Variants in DENND1A observed in about 807,000 individuals in gnomAD.
DENND1A encodes DENN domain containing 1A, also known as DENN domain-containing protein 1A.
DENND1A carries 51 observed loss-of-function variants against 113.7 expected under a neutral mutation model. The ratio of observed to expected loss-of-function variants is 0.45; its 90% CI spans 0.36 to 0.57. The LOEUF (loss-of-function observed/expected upper bound fraction) is 0.57. Ranked by LOEUF, DENND1A falls within the 20% of genes least tolerant of loss-of-function variation. DENND1A has a pLI of 0.00. For missense variants in DENND1A, 1,258 were observed against 1,395.9 expected (o/e 0.90, Z 1.57); for synonymous variants, 565 against 570.8 (o/e 0.99, Z 0.14).
At chr9:123,897,884 G>A (rs1851015667) in intron 1 of DENND1A, among the ~76,000 whole-genome samples, 1 of 150,638 alleles carries the variant, frequency 6.6e-6, no homozygotes, top group Non-Finnish European at 1.5e-5. Flanking sequence ...GTTCAAGGCT[G>A]CAGTGAGCCA....
chr9:123,502,985 T>C (rs911626811), intron 13 of DENND1A, among the ~76,000 whole-genome samples: 10 of 152,220 alleles, frequency 6.6e-5, no homozygotes, highest in African/African-American at 2.4e-4. Context: ...GCCGTGACCA[T>C]GGCTGCTATG....
At chr9:123,687,662 C>A (rs1183494417) in intron 5 of DENND1A, among the ~76,000 whole-genome samples, 1 of 152,158 alleles carries the variant, frequency 6.6e-6, no homozygotes, top group African/African-American at 2.4e-5. Context: ...CCTTTAGTGA[C>A]GAAGCAACTC....
At chr9:123,566,008 A>T (rs1321951932) in intron 12 of DENND1A, among the ~76,000 whole-genome samples, 1 of 152,178 alleles carries the variant, frequency 6.6e-6, no homozygotes, top group African/African-American at 2.4e-5. Context: ...CAAATGGCCT[A>T]GGTAGGCACA....
At chr9:123,388,578 G>A (rs1349953972) in intron 21 of DENND1A, among the ~76,000 whole-genome samples, 1 of 152,152 alleles carries the variant, frequency 6.6e-6, no homozygotes, top group East Asian at 1.9e-4. Context: ...TCCCTCAGAT[G>A]CCTCTTCAGA....
intron 12 of DENND1A, among the ~76,000 whole-genome samples, chr9:123,568,481 T>C (rs2058174093): frequency 6.6e-6 from 1 of 152,248 alleles, no homozygotes; most frequent in Non-Finnish European, 1.5e-5. Flanking sequence ...CAAGCCTTTA[T>C]TTTAGCATCG....
intron 3 of DENND1A, among the ~76,000 whole-genome samples, chr9:123,778,683 T>C (rs904991215): frequency 1.3e-5 from 2 of 152,164 alleles, no homozygotes. Flanking sequence ...AAAAACCTTC[T>C]TACCTCATAG....
At chr9:123,924,310 T>C (rs1856734912) in intron 1 of DENND1A, among the ~76,000 whole-genome samples, 1 of 152,164 alleles carries the variant, frequency 6.6e-6, no homozygotes, top group African/African-American at 2.4e-5. Flanking sequence ...TCTGGGGTGA[T>C]GAAAAAGTTC....
chr9:123,529,273 T>C (rs190772440), intron 13 of DENND1A, among the ~76,000 whole-genome samples: 92 of 152,164 alleles, frequency 6.0e-4, no homozygotes, highest in Admixed American at 2.2e-3. Context: ...AAAAACAAAT[T>C]ATAAGAAATG....
intron 13 of DENND1A, among the ~76,000 whole-genome samples, chr9:123,495,476 G>A (rs184232490): frequency 6.6e-6 from 1 of 152,170 alleles, no homozygotes; most frequent in Non-Finnish European, 1.5e-5. Flanking sequence ...AAAAAACCAC[G>A]GGTGTTACAA....
intron 13 of DENND1A, among the ~76,000 whole-genome samples, chr9:123,535,462 A>G (rs2055678646): frequency 6.6e-6 from 1 of 151,462 alleles, no homozygotes. Flanking sequence ...GCCCCCAACG[A>G]TTGAAACTCT....
intron 2 of DENND1A, among the ~76,000 whole-genome samples, chr9:123,796,131 G>A (rs1026763765): frequency 2.6e-5 from 4 of 152,160 alleles, no homozygotes; most frequent in East Asian, 3.9e-4. Context: ...TAATATGTAC[G>A]CCCTAATAGA....
chr9:123,687,009 A>G (rs1019553663), intron 5 of DENND1A, among the ~76,000 whole-genome samples: 1 of 152,168 alleles, frequency 6.6e-6, no homozygotes, highest in African/African-American at 2.4e-5. Flanking sequence ...CTATGCTTCA[A>G]TGCCTTTCCT....
chr9:123,483,503 C>T (rs2050527302), intron 13 of DENND1A, among the ~76,000 whole-genome samples: 1 of 152,250 alleles, frequency 6.6e-6, no homozygotes, highest in African/African-American at 2.4e-5. Flanking sequence ...ATCCAGAACA[C>T]ACAGGCTTCC....
chr9:123,743,732 C>CA (rs1031368418), intron 5 of DENND1A, among the ~76,000 whole-genome samples: 29 of 133,872 alleles, frequency 2.2e-4, no homozygotes, highest in East Asian at 6.4e-4. Flanking sequence ...AACTGCATCT[C>CA]AAAAAAAAAA....
chr9:123,732,508 G>A (rs2068249596), intron 5 of DENND1A, among the ~76,000 whole-genome samples: 1 of 152,314 alleles, frequency 6.6e-6, no homozygotes, highest in Admixed American at 6.5e-5. Flanking sequence ...ACGGAGAAGA[G>A]GGGTTAAGAG....
rs2042182436 is a variant in DENND1A at position 123,379,751 on chromosome 9, A to G, written c.*1681T>C. On this transcript the variant is annotated 3_prime_UTR_variant, in exon 24 of 24. Transcript: ENST00000394215. ...AAGAGGCAGCAGTGCTCATGTGAAC[A>G]TGGAGCGCTCACCCCAGCCCCTCAG... 1 of 152,306 alleles carries G rather than the reference A, an allele frequency of 6.6e-6. No homozygotes were observed. Among genetic ancestry groups the G allele is most frequent in the Non-Finnish European group, 1.5e-5 (1 of 68,074 alleles). The allele number at this position is 152,306 out of a possible 1,614,324, so 9.4% of individuals were successfully genotyped here.
intron 4 of DENND1A, among the ~76,000 whole-genome samples, chr9:123,768,326 T>C (rs1329652728): frequency 6.6e-6 from 1 of 152,198 alleles, no homozygotes; most frequent in East Asian, 1.9e-4. Flanking sequence ...TAAACTCCTT[T>C]GGCTACCAAT....
chr9:123,712,075 G>A (rs2066672931), intron 5 of DENND1A, among the ~76,000 whole-genome samples: 1 of 152,116 alleles, frequency 6.6e-6, no homozygotes, highest in Admixed American at 6.5e-5. Flanking sequence ...CATAGCTAGG[G>A]AAAAATTCCA....
chr9:123,852,033 G>A (rs932095333), intron 2 of DENND1A, among the ~76,000 whole-genome samples: 7 of 152,136 alleles, frequency 4.6e-5, no homozygotes, highest in Non-Finnish European at 2.9e-5. Flanking sequence ...TTTGGGGACC[G>A]CTATTGAGTG....
Sources: gnomAD v4.1 joint callset for allele counts (sites outside exome capture counted in the v4.1 genomes callset) on GRCh38, gnomAD v4.1.1 for gene constraint, MANE v1.5 for transcripts, NCBI Gene and HGNC (gene_info 2026-07-23, HGNC 2026-07-21) for gene names.